BCL7B: variants seen among roughly 807,000 people sequenced by gnomAD.
BCL7B encodes the protein BAF chromatin remodeling complex subunit BCL7B.
BCL7B carries 11 observed loss-of-function variants against 26.5 expected under a neutral mutation model. The observed-to-expected ratio is 0.42, with a 90% confidence interval of 0.26 to 0.69. The LOEUF (loss-of-function observed/expected upper bound fraction) is 0.69. Ranked by LOEUF, BCL7B falls within the 30% of genes least tolerant of loss-of-function variation. The pLI is 0.28. For synonymous variants in BCL7B, 111 were observed against 107.9 expected, an observed-to-expected ratio of 1.03 and a Z score of -0.18; for missense variants, 215 against 264.4, an observed-to-expected ratio of 0.81 and a Z score of 1.30.
chr7:73,549,938 AG>A (rs1159770307), intron 2 of BCL7B, among the ~76,000 whole-genome samples: 2 of 152,218 alleles, frequency 1.3e-5, no homozygotes, highest in Admixed American at 1.3e-4. Context: ...GAGGGACAGG[AG>A]GAAGAGGATG....
chr7:73,537,319 C>A lies in BCL7B; in HGVS notation c.588G>T (p.Pro196=). Residue 196 remains proline, a synonymous_variant, in exon 6 of 6, where the codon CCG becomes CCT. Transcript: ENST00000223368. The part of the protein sequence containing the change: ...KRFCVDQPTV[P]QTASES ...GGTGCTAGCTTTCTGACGCCGTCTG[C>A]GGCACTGTGGGTTGGTCCACACAGA... The A allele has an allele frequency of 1.2e-6, 2 of 1,614,034 alleles. No individual in the cohort carries two copies. Among genetic ancestry groups the A allele is most frequent in the Non-Finnish European group, 1.7e-6 (2 of 1,179,968 alleles).
rs782819772 is a variant in BCL7B, at chr7:73,537,348, G to A, written c.559C>T (p.Arg187Cys). The change falls in exon 6 of 6, where the codon CGC becomes TGC. Residue 187 changes from arginine (R) to cysteine (C), a missense_variant. Physicochemically the swap from Arg to Cys is radical, Grantham distance 180. Coordinates refer to ENST00000223368, the MANE Select transcript of BCL7B (RefSeq NM_001707.4). ...EEDSGAPPLK[R>C]FCVDQPTVPQ... is the part of the protein sequence containing the mutation. ...ACTGTGGGTTGGTCCACACAGAAGC[G>A]CTTCAGGGGCGGGGCACCTGAGTCT... 6.8e-6 allele frequency: 11 copies of A among 1,614,040 alleles called. No homozygotes were observed. The highest frequency in any genetic ancestry group is 5.5e-5 in the South Asian group (5 of 91,088).
Position 73,539,865 on chromosome 7 carries a change from G to GGCCAACCACGACTCACCCTCC in BCL7B, c.432_436+16dup, listed in dbSNP as rs1791689699. 1 of 1,607,964 alleles carries GGCCAACCACGACTCACCCTCC rather than the reference G, an allele frequency of 6.2e-7. No individual in the cohort carries two copies. Among genetic ancestry groups the GGCCAACCACGACTCACCCTCC allele is most frequent in the African/African-American group, 1.3e-5 (1 of 74,810 alleles). ...AGGCCCTTCTAGGAAACTCATCCTC[G>GGCCAACCACGACTCACCCTCC]GCCAACCACGACTCACCCTCCAGGA... On this transcript the variant is annotated intron_variant, in intron 4 of 5. Transcript: ENST00000223368.
At chr7:73,556,348 T>C (rs1792359316) in intron 1 of BCL7B, among the ~76,000 whole-genome samples, 1 of 152,076 alleles carries the variant, frequency 6.6e-6, no homozygotes, top group Non-Finnish European at 1.5e-5. Flanking sequence ...ACTTGAACTT[T>C]TATTTTCTGT....
At chr7:73,539,721 T>G in intron 4 of BCL7B, 161 bp downstream of exon 4, 1 of 823,044 alleles carries the variant, frequency 1.2e-6, no homozygotes, top group Non-Finnish European at 1.8e-6. Flanking sequence ...CTTCCCTCTG[T>G]GAAAGGGGAA....
chr7:73,550,848 G>A (rs956852053), intron 2 of BCL7B, among the ~76,000 whole-genome samples: 5 of 151,666 alleles, frequency 3.3e-5, no homozygotes, highest in Admixed American at 2.0e-4. Context: ...TAGTAGAGAC[G>A]GGGTTTCACC....
At chr7:73,553,691 A>G (rs1792261755) in intron 1 of BCL7B, 1 of 154,444 alleles carries the variant, frequency 6.5e-6, no homozygotes, top group Non-Finnish European at 1.5e-5. Context: ...AAAGAAAGAA[A>G]ACTAGTCTAA....
intron 3 of BCL7B, 82 bp downstream of exon 3, chr7:73,543,466 C>T: frequency 3.0e-6 from 4 of 1,333,648 alleles, no homozygotes; most frequent in Non-Finnish European, 4.3e-6. Context: ...GTGTGAGTCA[C>T]TGCACCTGGC....
At chr7:73,546,759 T>C (rs1483517477) in intron 2 of BCL7B, among the ~76,000 whole-genome samples, 1 of 151,944 alleles carries the variant, frequency 6.6e-6, no homozygotes, top group Non-Finnish European at 1.5e-5. Flanking sequence ...GTGAATGAGG[T>C]TAATTGAAAT....
intron 2 of BCL7B, among the ~76,000 whole-genome samples, chr7:73,549,985 A>G (rs1792097220): frequency 6.6e-6 from 1 of 152,240 alleles, no homozygotes; most frequent in African/African-American, 2.4e-5. Flanking sequence ...GGGTCTTGGC[A>G]AAGCTGTGTT....
At chr7:73,551,146 T>C (rs548367277) in intron 2 of BCL7B, among the ~76,000 whole-genome samples, 4 of 152,364 alleles carry the variant, frequency 2.6e-5, no homozygotes, top group African/African-American at 9.6e-5. Context: ...AGAGCAAGTA[T>C]CAGCAAACTT....
chr7:73,542,782 A>G, intron 3 of BCL7B: 1 of 334,304 alleles, frequency 3.0e-6, no homozygotes, highest in Non-Finnish European at 6.1e-6. Context: ...CTAAGCGACT[A>G]TGATAAAACA....
At chr7:73,540,169 T>C in intron 3 of BCL7B, 117 bp from the exon 4 acceptor site, 1 of 1,089,906 alleles carries the variant, frequency 9.2e-7, no homozygotes, top group Non-Finnish European at 1.3e-6. Flanking sequence ...CAACTGAGTA[T>C]AATAATCATT....
At chr7:73,557,431 C>G in intron 1 of BCL7B, 56 bp downstream of exon 1, 1 of 1,252,354 alleles carries the variant, frequency 8.0e-7, no homozygotes, top group Non-Finnish European at 1.0e-6. Flanking sequence ...CAGTCCCACG[C>G]TCCTCAGGGC....
rs1791563031 is a variant in BCL7B, at chr7:73,537,155, CCTA to C, written c.*140_*142del. 2.9e-6 allele frequency: 2 copies of C among 697,166 alleles called. No homozygotes were observed. The highest frequency in any genetic ancestry group is 4.9e-6 in the Non-Finnish European group (2 of 406,982). The allele number at this position is 697,166 out of a possible 1,614,324, so 43.2% of individuals were successfully genotyped here. On this transcript the variant is annotated 3_prime_UTR_variant, in exon 6 of 6. Transcript: ENST00000223368. ...GGAAGATGATGCTACAGCCCCAAGT[CCTA>C]CGCCAGCCTTCCAGCCCGGAAGGCT...
rs1158038382 is a variant in BCL7B at position 73,557,373 on chromosome 7, C to G, written c.92+114G>C. 2.5e-6 allele frequency: 3 copies of G among 1,184,174 alleles called. No homozygotes were observed. In the African/African-American group the frequency reaches 4.8e-5, roughly 19 times the overall value. 73.4% of individuals were successfully genotyped at this position (1,184,174 alleles called of 1,614,324 possible). A position where few individuals can be genotyped will look rare whatever the true frequency, so the allele number is the denominator to read the frequency against. ...GCGGCGCCCTCCTCCCGCCTTCTCCCGCACCCCCCTCCCCCAGCGCCGGCC... is the reference window on the plus strand; with the variant it reads ...GCGGCGCCCTCCTCCCGCCTTCTCCGGCACCCCCCTCCCCCAGCGCCGGCC... On this transcript the variant is annotated intron_variant, in intron 1 of 5. Transcript: ENST00000223368.
chr7:73,555,102 G>A (rs932772760), intron 1 of BCL7B, among the ~76,000 whole-genome samples: 1 of 151,810 alleles, frequency 6.6e-6, no homozygotes. Flanking sequence ...CATTTTTGTA[G>A]GTTAATTAGT....
rs1165930484 is a variant in BCL7B, at chr7:73,537,342, A to G, written c.565T>C (p.Cys189Arg). The G allele has an allele frequency of 8.7e-6, 14 of 1,614,042 alleles. No individual in the cohort carries two copies. The highest frequency in any genetic ancestry group is 1.2e-5 in the Non-Finnish European group (14 of 1,180,024). Residue 189 changes from cysteine (C) to arginine (R), a missense_variant, in exon 6 of 6, where the codon TGT becomes CGT. Cys to Arg is a radical substitution (Grantham distance 180). Transcript: ENST00000223368. ...DSGAPPLKRF[C>R]VDQPTVPQTA... Reference sequence around the variant, plus strand: ...TGCGGCACTGTGGGTTGGTCCACACAGAAGCGCTTCAGGGGCGGGGCACCT... The same window carrying G: ...TGCGGCACTGTGGGTTGGTCCACACGGAAGCGCTTCAGGGGCGGGGCACCT...
intron 2 of BCL7B, among the ~76,000 whole-genome samples, chr7:73,550,759 A>G (rs1057050287): frequency 1.3e-5 from 2 of 150,816 alleles, no homozygotes; most frequent in South Asian, 4.2e-4. Flanking sequence ...CTGGGTTCAC[A>G]CCATTCTCCT....
Sources: allele counts gnomAD v4.1 joint callset (sites outside exome capture counted in the v4.1 genomes callset), GRCh38; gene constraint gnomAD v4.1.1; transcripts MANE v1.5; gene names NCBI Gene and HGNC (gene_info 2026-07-23, HGNC 2026-07-21).